The following IQCM variants were observed in gnomAD, a reference collection of about 807,000 sequenced individuals.
IQCM encodes the protein IQ motif containing M, also known as IQ domain-containing protein M.
A neutral mutation model predicts 57.6 loss-of-function variants in IQCM; 45 were observed. The observed-to-expected ratio is 0.78, with a 90% CI of 0.62 to 1.00. The LOEUF (loss-of-function observed/expected upper bound fraction) is 1.00, where lower values mean the gene tolerates loss of function less well. IQCM is among the 50% of genes least tolerant of loss of function. The pLI is 0.00. For synonymous variants in IQCM, 148 were observed against 158.9 expected (o/e 0.93, Z 0.51); for missense variants, 468 against 511.6 (o/e 0.91, Z 0.82).
At chr4:149,586,520 A>G (rs932136724) in intron 9 of IQCM, among the ~76,000 whole-genome samples, 1 of 151,600 alleles carries the variant, frequency 6.6e-6, no homozygotes. Flanking sequence ...TCTTAAAAAG[A>G]GCACATAAAT....
chr4:149,604,595 CTTA>C (rs1754611768), intron 8 of IQCM, among the ~76,000 whole-genome samples: 1 of 152,140 alleles, frequency 6.6e-6, no homozygotes, highest in Non-Finnish European at 1.5e-5. Flanking sequence ...TCTAAGTCTT[CTTA>C]TTATTACTAC....
intron 5 of IQCM, among the ~76,000 whole-genome samples, chr4:149,714,089 C>T (rs1186809355): frequency 6.6e-6 from 1 of 152,162 alleles, no homozygotes; most frequent in African/African-American, 2.4e-5. Flanking sequence ...GTGTCAAGGT[C>T]ATCGTTGACC....
In IQCM at chr4:149,768,768, T is replaced by A. The variant is rs370509567; in HGVS notation, c.-48-26029A>T. Among the ~76,000 whole-genome samples, 3 of 152,160 alleles carry A rather than the reference T, an allele frequency of 2.0e-5. No individual in the cohort carries two copies. In the East Asian group the frequency reaches 5.8e-4, roughly 29 times the overall value. On this transcript the variant is annotated intron_variant, in intron 2 of 13. Coordinates refer to ENST00000636793, the MANE Select transcript of IQCM (RefSeq NM_001363507.2). Reference sequence around the variant, plus strand: ...AATACTCTGAGACACGGCAACTGAATCACATAATTATCAAAGGTTTAGGAT... The same window carrying A: ...AATACTCTGAGACACGGCAACTGAAACACATAATTATCAAAGGTTTAGGAT...
chr4:149,810,122 C>T (rs1428735024), intron 2 of IQCM, among the ~76,000 whole-genome samples: 1 of 152,050 alleles, frequency 6.6e-6, no homozygotes, highest in Non-Finnish European at 1.5e-5. Context: ...TGGTGGCTCA[C>T]ACCGGTAATC....
chr4:149,361,384 G>C (rs1373201675), intron 13 of IQCM, among the ~76,000 whole-genome samples: 1 of 152,184 alleles, frequency 6.6e-6, no homozygotes, highest in African/African-American at 2.4e-5. Context: ...TAACCCCCAA[G>C]ACCATTGGGA....
intron 7 of IQCM, among the ~76,000 whole-genome samples, chr4:149,663,303 T>A (rs1289225194): frequency 6.6e-6 from 1 of 152,048 alleles, no homozygotes; most frequent in Admixed American, 6.6e-5. Flanking sequence ...TTTAAACTTT[T>A]ATACTAGAAC....
At chr4:149,772,835 C>T (rs557538420) in intron 2 of IQCM, among the ~76,000 whole-genome samples, 56 of 152,214 alleles carry the variant, frequency 3.7e-4, no homozygotes, top group African/African-American at 1.3e-3. Context: ...ATATTGTGAA[C>T]ACTTTGTGGA....
chr4:149,543,283 G>T (rs1748037309), intron 12 of IQCM, among the ~76,000 whole-genome samples: 1 of 151,898 alleles, frequency 6.6e-6, no homozygotes, highest in Admixed American at 6.6e-5. Context: ...CTTTGAAACT[G>T]ATAAGTATTG....
intron 5 of IQCM, among the ~76,000 whole-genome samples, chr4:149,731,080 C>T (rs948289757): frequency 1.2e-4 from 18 of 152,216 alleles, no homozygotes; most frequent in Non-Finnish European, 2.5e-4. Flanking sequence ...TTTCCCCCAT[C>T]CCTTTCCCCA....
intron 13 of IQCM, among the ~76,000 whole-genome samples, chr4:149,423,421 G>A (rs543628115): frequency 6.6e-6 from 1 of 152,052 alleles, no homozygotes; most frequent in South Asian, 2.1e-4. Context: ...CGACACTTGG[G>A]GGTTACAATT....
intron 13 of IQCM, among the ~76,000 whole-genome samples, chr4:149,406,978 C>T (rs1733022470): frequency 6.7e-6 from 1 of 150,010 alleles, no homozygotes; most frequent in Non-Finnish European, 1.5e-5. Flanking sequence ...GAATGAGAGC[C>T]AAGTGAAGGC....
intron 7 of IQCM, among the ~76,000 whole-genome samples, chr4:149,675,533 A>G (rs564280854): frequency 1.3e-5 from 2 of 152,150 alleles, no homozygotes; most frequent in African/African-American, 2.4e-5. Context: ...TTTGCTGGCT[A>G]TGAATTCAGG....
At chr4:149,413,734 C>T (rs776118425) in intron 13 of IQCM, among the ~76,000 whole-genome samples, 15 of 152,102 alleles carry the variant, frequency 9.9e-5, no homozygotes, top group Admixed American at 2.6e-4. Context: ...AGCTTATTCA[C>T]GTGCTTATAT....
At chr4:149,801,260 A>C (rs1773578126) in intron 2 of IQCM, among the ~76,000 whole-genome samples, 1 of 151,972 alleles carries the variant, frequency 6.6e-6, no homozygotes, top group Non-Finnish European at 1.5e-5. Context: ...GTTGTGGAAA[A>C]AAAACAAGAA....
chr4:149,793,385 G>T (rs923789774), intron 2 of IQCM, among the ~76,000 whole-genome samples: 2 of 152,068 alleles, frequency 1.3e-5, no homozygotes, highest in African/African-American at 4.8e-5. Flanking sequence ...CCTTTTGTCA[G>T]TTCTTTTGCT....
chr4:149,688,083 C>G (rs1270444673), intron 5 of IQCM, among the ~76,000 whole-genome samples: 1 of 151,830 alleles, frequency 6.6e-6, no homozygotes. Context: ...CAATGTAATA[C>G]TGGAAGTCCT....
chr4:149,595,283 CT>C (rs898572445), intron 8 of IQCM, among the ~76,000 whole-genome samples: 2 of 151,668 alleles, frequency 1.3e-5, no homozygotes, highest in African/African-American at 2.4e-5. Context: ...GCAACCCCTG[CT>C]TTTTTTTGTT....
chr4:149,815,129 C>A (rs1774930338), intron 2 of IQCM, among the ~76,000 whole-genome samples, 182 bp downstream of exon 2: 1 of 151,936 alleles, frequency 6.6e-6, no homozygotes, highest in Non-Finnish European at 1.5e-5. Context: ...TTGGCAAAAT[C>A]ATTTAGCCTT....
chr4:149,577,058 T>C (rs1290566042), intron 9 of IQCM, among the ~76,000 whole-genome samples: 2 of 152,020 alleles, frequency 1.3e-5, no homozygotes, highest in South Asian at 2.1e-4. Flanking sequence ...TGTCTGTTCA[T>C]GTCCTTTGCC....
Sources: allele counts gnomAD v4.1 joint callset (sites outside exome capture counted in the v4.1 genomes callset), GRCh38; gene constraint gnomAD v4.1.1; transcripts MANE v1.5; gene names NCBI Gene and HGNC (gene_info 2026-07-23, HGNC 2026-07-21).